The following LRMDA variants were observed in gnomAD, a reference collection of about 807,000 sequenced individuals.
LRMDA encodes leucine-rich melanocyte differentiation-associated protein.
In LRMDA, 18 loss-of-function variants were observed where a neutral mutation model predicts 29.8. That is an observed-to-expected ratio of 0.60 (90% confidence interval 0.42 to 0.90). The LOEUF (loss-of-function observed/expected upper bound fraction) is 0.90. LRMDA is among the 40% of genes least tolerant of loss of function. The pLI, the probability that LRMDA is intolerant of heterozygous loss-of-function variation, is 0.00. For synonymous variants in LRMDA, 125 were observed against 109.4 expected, an observed-to-expected ratio of 1.14 and a Z score of -0.89; for missense variants, 273 against 273.9, an observed-to-expected ratio of 1.00 and a Z score of 0.02.
chr10:75,888,284 G>A (rs565238876), intron 2 of LRMDA, among the ~76,000 whole-genome samples: 2 of 152,160 alleles, frequency 1.3e-5, no homozygotes, highest in Non-Finnish European at 2.9e-5. Flanking sequence ...CACTCTCCGC[G>A]TATGATGAGT....
intron 2 of LRMDA, among the ~76,000 whole-genome samples, chr10:75,442,556 A>G (rs1053449875): frequency 1.1e-4 from 17 of 152,132 alleles, no homozygotes; most frequent in African/African-American, 3.4e-4. Flanking sequence ...TTGAAGGTCA[A>G]TTGACTGTCA....
At chr10:75,936,106 A>G (rs904845759) in intron 2 of LRMDA, among the ~76,000 whole-genome samples, 4 of 151,982 alleles carry the variant, frequency 2.6e-5, no homozygotes, top group Non-Finnish European at 5.9e-5. Context: ...CTTGTTTTAT[A>G]TTTATCATTG....
In LRMDA at chr10:76,194,286, A is replaced by G. The variant is rs116608636; in HGVS notation, c.517-130115A>G. Among the ~76,000 whole-genome samples, 1,165 of 152,314 alleles carry G rather than the reference A, an allele frequency of 7.6e-3. 20 individuals are homozygous for G. Among genetic ancestry groups the G allele is most frequent in the African/African-American group, 0.026 (1,086 of 41,574 alleles). On this transcript the variant is annotated intron_variant, in intron 5 of 6. Coordinates refer to ENST00000611255, the MANE Select transcript of LRMDA (RefSeq NM_001305581.2). Reference sequence around the variant, plus strand: ...AGTTTTTGGAATCAGGAGCATCTCAATTGCATCCCATGCCCTTGGAAAATG... The same window carrying G: ...AGTTTTTGGAATCAGGAGCATCTCAGTTGCATCCCATGCCCTTGGAAAATG...
chr10:76,067,175 G>T (rs1398516354), intron 5 of LRMDA, among the ~76,000 whole-genome samples: 2 of 152,184 alleles, frequency 1.3e-5, no homozygotes, highest in Non-Finnish European at 1.5e-5. Context: ...TCTCGAAAAT[G>T]TTCTTTGACA....
intron 5 of LRMDA, among the ~76,000 whole-genome samples, chr10:76,304,387 G>T (rs921904068): frequency 2.0e-5 from 3 of 152,212 alleles, no homozygotes; most frequent in Non-Finnish European, 4.4e-5. Context: ...CCTTTTGGAT[G>T]ACTCCATTTG....
chr10:76,228,093 C>G lies in LRMDA; in HGVS notation c.517-96308C>G, dbSNP rs559078257. ...CTGGAATGCAGTGGTGTGATCTTTG[C>G]TCACTGCAACGTCCGCCTCCCGGGT... On this transcript the variant is annotated intron_variant, in intron 5 of 6. Transcript: ENST00000611255. Among the ~76,000 whole-genome samples, 3 of 151,122 alleles carry G rather than the reference C, an allele frequency of 2.0e-5. No homozygotes were observed. In the East Asian group the frequency reaches 5.8e-4, roughly 29 times the overall value.
chr10:76,494,317 G>T (rs1385385659), intron 6 of LRMDA, among the ~76,000 whole-genome samples: 1 of 140,902 alleles, frequency 7.1e-6, no homozygotes, highest in Non-Finnish European at 1.6e-5. Context: ...TACTACTCAG[G>T]CTACATAGCT....
chr10:75,810,178 T>C (rs1411981338), intron 2 of LRMDA, among the ~76,000 whole-genome samples: 3 of 152,098 alleles, frequency 2.0e-5, no homozygotes, highest in Non-Finnish European at 2.9e-5. Flanking sequence ...AGAGAGCAGG[T>C]GGGGCATGAC....
intron 6 of LRMDA, among the ~76,000 whole-genome samples, chr10:76,409,757 T>C (rs1841938550): frequency 6.6e-6 from 1 of 152,242 alleles, no homozygotes; most frequent in Admixed American, 6.5e-5. Context: ...TTTCCCAATA[T>C]GTAATAGCAA....
Position 75,833,639 on chromosome 10 carries a change from C to A in LRMDA, c.132-202369C>A, listed in dbSNP as rs576355212. On this transcript the variant is annotated intron_variant, in intron 2 of 6. Coordinates refer to ENST00000611255, the MANE Select transcript of LRMDA (RefSeq NM_001305581.2). ...GCCATTACAGCTTCAAGTCTAAAAC[C>A]TCATCTACATCTCATCAGCTAAAAA... Among the ~76,000 whole-genome samples the A allele has an allele frequency of 7.9e-5, 12 of 152,284 alleles. No homozygotes were observed. In the East Asian group the frequency reaches 2.1e-3, roughly 27 times the overall value.
intron 2 of LRMDA, among the ~76,000 whole-genome samples, chr10:75,925,430 A>T (rs1846104595): frequency 6.6e-6 from 1 of 152,150 alleles, no homozygotes; most frequent in African/African-American, 2.4e-5. Flanking sequence ...GGGTTGGAAT[A>T]TGGCAGTTTA....
intron 2 of LRMDA, among the ~76,000 whole-genome samples, chr10:75,703,746 G>A (rs976096112): frequency 6.6e-6 from 1 of 152,156 alleles, no homozygotes; most frequent in African/African-American, 2.4e-5. Flanking sequence ...TCTTTAATCA[G>A]CATTTTATTT....
At chr10:75,621,218 A>ACACACACCCC (rs1554816447) in intron 2 of LRMDA, among the ~76,000 whole-genome samples, 2 of 129,998 alleles carry the variant, frequency 1.5e-5, no homozygotes, top group Non-Finnish European at 3.4e-5. Flanking sequence ...ACACACACAC[A>ACACACACCCC]CACACACCCA....
intron 2 of LRMDA, among the ~76,000 whole-genome samples, chr10:75,829,956 C>T (rs1331313783): frequency 2.0e-5 from 3 of 150,048 alleles, no homozygotes; most frequent in Non-Finnish European, 2.9e-5. Flanking sequence ...ATCTGTTCAT[C>T]CCAAGTGTGC....
At chr10:76,441,180 TTCTC>T (rs888412381) in intron 6 of LRMDA, among the ~76,000 whole-genome samples, 1 of 152,152 alleles carries the variant, frequency 6.6e-6, no homozygotes, top group Non-Finnish European at 1.5e-5. Flanking sequence ...CCTCTCTCTC[TTCTC>T]TCTCTTTCTC....
intron 5 of LRMDA, among the ~76,000 whole-genome samples, chr10:76,254,025 A>G (rs1168103536): frequency 6.6e-6 from 1 of 152,062 alleles, no homozygotes; most frequent in Non-Finnish European, 1.5e-5. Flanking sequence ...TTTTTTAACA[A>G]CCATTTTCCA....
At chr10:75,803,823 C>T (rs770628652) in intron 2 of LRMDA, among the ~76,000 whole-genome samples, 7 of 151,944 alleles carry the variant, frequency 4.6e-5, no homozygotes, top group Non-Finnish European at 7.3e-5. Context: ...GATACCCACC[C>T]CTAACCACTG....
At chr10:75,709,400 ATGTGTGTGTGTCTGTGTGTACGTGTG>A (rs1032282219) in intron 2 of LRMDA, among the ~76,000 whole-genome samples, 10 of 150,122 alleles carry the variant, frequency 6.7e-5, no homozygotes, top group Non-Finnish European at 1.2e-4. Flanking sequence ...GTGTGTGTGC[ATGTGTGTGTGTCTGTGTGTACGTGTG>A]TGTGTGTGTG....
intron 2 of LRMDA, among the ~76,000 whole-genome samples, chr10:75,618,932 G>C (rs1841145593): frequency 6.6e-6 from 1 of 151,814 alleles, no homozygotes; most frequent in Admixed American, 6.6e-5. Context: ...ACAGGTGCGT[G>C]CCACCACTCC....
Sources: gnomAD v4.1 joint callset for allele counts (sites outside exome capture counted in the v4.1 genomes callset) on GRCh38, gnomAD v4.1.1 for gene constraint, MANE v1.5 for transcripts, NCBI Gene and HGNC (gene_info 2026-07-23, HGNC 2026-07-21) for gene names.